Variants in MRTFB observed in about 807,000 individuals in gnomAD.
MRTFB encodes myocardin-related transcription factor B.
Under a neutral mutation model 104.2 loss-of-function variants are expected in MRTFB, and 29 were observed. The observed-to-expected ratio is 0.28, with a 90% CI of 0.21 to 0.38. The LOEUF is 0.38. Ranked by LOEUF, MRTFB falls within the 10% of genes least tolerant of loss-of-function variation. MRTFB has a pLI of 1.00. For missense variants in MRTFB, 1,270 were observed against 1,341.6 expected, an observed-to-expected ratio of 0.95 and a Z score of 0.83; for synonymous variants, 535 against 519.5, an observed-to-expected ratio of 1.03 and a Z score of -0.41.
At chr16:14,120,611 C>T (rs1227664129) in intron 2 of MRTFB, among the ~76,000 whole-genome samples, 1 of 152,218 alleles carries the variant, frequency 6.6e-6, no homozygotes, top group East Asian at 1.9e-4. Context: ...TATACATGGG[C>T]AGCTTCATCG....
intron 3 of MRTFB, among the ~76,000 whole-genome samples, chr16:14,160,237 T>C (rs962763640): frequency 6.6e-6 from 1 of 152,030 alleles, no homozygotes; most frequent in Non-Finnish European, 1.5e-5. Context: ...CCTTTAAAAA[T>C]TTTTTTTCAT....
chr16:14,205,456 A>G (rs1207958373), intron 3 of MRTFB, among the ~76,000 whole-genome samples: 3 of 152,208 alleles, frequency 2.0e-5, no homozygotes, highest in Admixed American at 6.5e-5. Flanking sequence ...TTGCACAGAG[A>G]ATACAATGCT....
At chr16:14,206,360 A>G (rs898601952) in intron 3 of MRTFB, among the ~76,000 whole-genome samples, 1 of 152,236 alleles carries the variant, frequency 6.6e-6, no homozygotes, top group Non-Finnish European at 1.5e-5. Flanking sequence ...TCTAAGGTGC[A>G]GATATCTGCT....
intron 2 of MRTFB, among the ~76,000 whole-genome samples, chr16:14,117,202 T>C (rs749571501): frequency 6.6e-6 from 1 of 152,180 alleles, no homozygotes; most frequent in Non-Finnish European, 1.5e-5. Flanking sequence ...TGCTGGAGGC[T>C]GCCTTAGAAT....
chr16:14,243,409 T>C (rs1396545110), intron 10 of MRTFB, among the ~76,000 whole-genome samples: 1 of 152,152 alleles, frequency 6.6e-6, no homozygotes, highest in African/African-American at 2.4e-5. Flanking sequence ...TCACCTCAAA[T>C]CCCTGTTTCA....
intron 16 of MRTFB, among the ~76,000 whole-genome samples, chr16:14,258,734 G>A (rs74719225): frequency 4.6e-4 from 70 of 152,332 alleles, no homozygotes; most frequent in African/African-American, 1.6e-3. Context: ...GTTACATCAA[G>A]CCACTTAGCA....
Position 14,251,959 on chromosome 16 carries a change from G to A in MRTFB, c.2501G>A (p.Ser834Asn), listed in dbSNP as rs776565297. 46 of 1,614,166 alleles carry A rather than the reference G, an allele frequency of 2.8e-5. No individual in the cohort carries two copies. Among genetic ancestry groups the A allele is most frequent in the Non-Finnish European group, 3.6e-5 (43 of 1,180,032 alleles). ...CCCTTTATCAATAAGGCCTCCAACA[G>A]TGTTCTTCAATCCAGAAATGCTCCG... ...QQPFINKASN[S>N]VLQSRNAPLP... Residue 834 changes from serine to asparagine, a missense_variant, in exon 14 of 17, where the codon AGT (serine) becomes AAT (asparagine). By Grantham distance (46) the Ser-to-Asn change is conservative. Transcript: ENST00000571589.
intron 3 of MRTFB, among the ~76,000 whole-genome samples, chr16:14,171,628 C>G (rs558083542): frequency 6.6e-6 from 1 of 152,158 alleles, no homozygotes; most frequent in Admixed American, 6.5e-5. Context: ...AGCCTTTCCC[C>G]TTTATGTATT....
At chr16:14,040,609 C>T in the MRTFB span, among the ~76,000 whole-genome samples, 1 of 151,920 alleles carries the variant, frequency 6.6e-6, no homozygotes, top group African/African-American at 2.4e-5. Context: ...ATTACAGGCA[C>T]CTGCCACCAC....
intron 3 of MRTFB, among the ~76,000 whole-genome samples, chr16:14,178,757 T>C (rs923826422): frequency 6.6e-6 from 1 of 152,062 alleles, no homozygotes; most frequent in African/African-American, 2.4e-5. Context: ...TTTGTTTGTT[T>C]TTTTTTCCCT....
the MRTFB span, among the ~76,000 whole-genome samples, chr16:14,000,050 GGA>G: frequency 6.6e-6 from 1 of 152,202 alleles, no homozygotes; most frequent in Non-Finnish European, 1.5e-5. Flanking sequence ...AAGCAGAGGA[GGA>G]GAGGGTGCCT....
In MRTFB at chr16:14,261,375, C is replaced by A; in HGVS notation, c.3231C>A (p.Ser1077Arg). 1 of 1,614,092 alleles carries A rather than the reference C, an allele frequency of 6.2e-7. No homozygotes were observed. Reference sequence around the variant, plus strand: ...CCTCTTCAGGACTCACTCCTCTCAGCACCACCGCGCCGAGCATGTTCTCTG... The same window carrying A: ...CCTCTTCAGGACTCACTCCTCTCAGAACCACCGCGCCGAGCATGTTCTCTG... ...PNSSSGLTPL[S>R]TTAPSMFSAD... The change falls in exon 17 of 17, where the codon AGC becomes AGA. Residue 1077 changes from serine to arginine, a missense_variant. By Grantham distance (110) the Ser-to-Arg change is moderately radical (BLOSUM62 -1). This residue lies in a region of MRTFB where 1,144 missense variants were observed against 1,131.5 expected (regional missense o/e 1.01). Coordinates refer to ENST00000571589, the MANE Select transcript of MRTFB (RefSeq NM_001308142.2).
the MRTFB span, among the ~76,000 whole-genome samples, chr16:14,029,159 G>T: frequency 6.6e-6 from 1 of 151,612 alleles, no homozygotes. Context: ...AAATTAGCCA[G>T]GTGTGGTGGC....
chr16:14,235,164 A>G (rs1229579340), intron 9 of MRTFB, among the ~76,000 whole-genome samples: 3 of 152,172 alleles, frequency 2.0e-5, no homozygotes, highest in Non-Finnish European at 4.4e-5. Context: ...CATCTTTCAG[A>G]TGAACACAAT....
At chr16:14,074,024 C>A (rs1284010289) in intron 1 of MRTFB, among the ~76,000 whole-genome samples, 1 of 151,896 alleles carries the variant, frequency 6.6e-6, no homozygotes, top group East Asian at 1.9e-4. Flanking sequence ...TACATTGTAA[C>A]ATTATACATT....
intron 3 of MRTFB, among the ~76,000 whole-genome samples, chr16:14,186,481 G>T (rs147193662): frequency 6.6e-6 from 1 of 152,280 alleles, no homozygotes; most frequent in East Asian, 1.9e-4. Context: ...TGTCTTCTTA[G>T]GTATCAGCAA....
rs2042713977 is a variant in MRTFB, at chr16:14,240,416, G to C, written c.1011G>C (p.Leu337=). ...ARLLQQQQLF[L]QLQILSQQKQ... ...TGCTCCAGCAGCAGCAGCTGTTCCT[G>C]CAACTGCAGATCCTGAGTCAGCAGA... The change falls in exon 10 of 17, where the codon CTG becomes CTC. Residue 337 remains leucine (L), a synonymous_variant. Transcript: ENST00000571589. 1.2e-6 allele frequency: 2 copies of C among 1,614,212 alleles called. No homozygotes were observed. The highest frequency in any genetic ancestry group is 1.7e-6 in the Non-Finnish European group (2 of 1,180,038).
At chr16:14,213,951 C>G (rs190282109) in intron 6 of MRTFB, among the ~76,000 whole-genome samples, 1 of 152,294 alleles carries the variant, frequency 6.6e-6, no homozygotes, top group African/African-American at 2.4e-5. Flanking sequence ...ATAAAGAATG[C>G]AATAGCACAA....
chr16:14,162,990 C>G (rs1289579761), intron 3 of MRTFB, among the ~76,000 whole-genome samples: 1 of 151,996 alleles, frequency 6.6e-6, no homozygotes, highest in African/African-American at 2.4e-5. Context: ...TCTTTTTGTC[C>G]TATAATGAAA....
Sources: allele counts gnomAD v4.1 joint callset (sites outside exome capture counted in the v4.1 genomes callset), GRCh38; gene constraint gnomAD v4.1.1; regional missense constraint gnomAD v4.1.1; transcripts MANE v1.5; gene names NCBI Gene and HGNC (gene_info 2026-07-23, HGNC 2026-07-21).